ADRA1B: variants seen among roughly 807,000 people sequenced by gnomAD.
The protein encoded by ADRA1B is adrenoceptor alpha 1B.
A neutral mutation model predicts 17.9 loss-of-function variants in ADRA1B; 17 were observed. The ratio of observed to expected loss-of-function variants is 0.95; its 90% CI spans 0.65 to 1.42. The LOEUF is 1.42. Ranked by LOEUF, ADRA1B falls within the 40% of genes most tolerant of loss-of-function variation. ADRA1B has a pLI of 0.00. For synonymous variants in ADRA1B, 366 were observed against 327.6 expected (o/e 1.12, Z -1.27); for missense variants, 681 against 722.1 (o/e 0.94, Z 0.65).
In ADRA1B at chr5:159,916,920, G is replaced by A. The variant is rs1754325404; in HGVS notation, c.15G>A (p.Leu5=). 1 of 1,612,112 alleles carries A rather than the reference G, an allele frequency of 6.2e-7. No individual in the cohort carries two copies. Among genetic ancestry groups the A allele is most frequent in the Admixed American group, 1.7e-5 (1 of 59,914 alleles). The change falls in exon 1 of 2, where the codon CTG becomes CTA. Residue 5 remains leucine (L), a synonymous_variant. Coordinates refer to ENST00000306675, the MANE Select transcript of ADRA1B (RefSeq NM_000679.4). MNPD[L]DTGHNTSAPA... is the part of the protein sequence containing the mutation. The stretch of plus-strand genomic sequence containing the variant: ...CGGACTCTAAGATGAATCCCGACCT[G>A]GACACCGGCCACAACACATCAGCAC...
At chr5:159,903,919 G>A (rs761729789) in intron 1 of ADRA1B, among the ~76,000 whole-genome samples, 3 of 152,018 alleles carry the variant, frequency 2.0e-5, no homozygotes, top group Non-Finnish European at 2.9e-5. Context: ...AGTAGGCTGG[G>A]GTCCAAACAA....
chr5:159,917,969 G>A lies in ADRA1B; in HGVS notation c.949+115G>A, dbSNP rs561713095. The A allele has an allele frequency of 3.7e-4, 346 of 932,688 alleles. 2 individuals carry two copies. Among genetic ancestry groups the A allele is most frequent in the Non-Finnish European group, 5.3e-4 (322 of 609,588 alleles). 57.8% of individuals were successfully genotyped at this position (932,688 alleles called of 1,614,324 possible). A position where few individuals can be genotyped will look rare whatever the true frequency, so the allele number is the denominator to read the frequency against. On this transcript the variant is annotated intron_variant, in intron 1 of 1. Transcript: ENST00000306675. ...TTTCTTATGCAGTCTGTGCGTGTTCGGAGATTGAATAATATTGTTTGTTCT... is the reference window on the plus strand; with the variant it reads ...TTTCTTATGCAGTCTGTGCGTGTTCAGAGATTGAATAATATTGTTTGTTCT...
At chr5:159,954,276 G>A (rs959650369) in intron 1 of ADRA1B, among the ~76,000 whole-genome samples, 1 of 152,188 alleles carries the variant, frequency 6.6e-6, no homozygotes, top group Non-Finnish European at 1.5e-5. Context: ...CGAGATCAGG[G>A]TGCTGGTATG....
chr5:159,866,034 C>A (rs1023922050), intron 1 of ADRA1B, among the ~76,000 whole-genome samples: 5 of 152,148 alleles, frequency 3.3e-5, no homozygotes, highest in Admixed American at 6.5e-5. Flanking sequence ...TTAATTCATT[C>A]CTAAAACAAA....
chr5:159,975,933 C>T (rs1755962898), downstream of ADRA1B, among the ~76,000 whole-genome samples: 1 of 152,208 alleles, frequency 6.6e-6, no homozygotes, highest in South Asian at 2.1e-4. Flanking sequence ...AATAAATCTG[C>T]CAACCCCAGT....
At chr5:159,919,469 T>C (rs1468714805) in intron 1 of ADRA1B, among the ~76,000 whole-genome samples, 1 of 152,248 alleles carries the variant, frequency 6.6e-6, no homozygotes, top group Non-Finnish European at 1.5e-5. Flanking sequence ...CTCAGTTTCT[T>C]CGTCTACAAA....
chr5:159,935,796 C>A (rs2113213133), intron 1 of ADRA1B, among the ~76,000 whole-genome samples: 1 of 152,378 alleles, frequency 6.6e-6, no homozygotes, highest in East Asian at 1.9e-4. Flanking sequence ...ATCCGCTCGC[C>A]TCAGCCTCCC....
At chr5:159,971,104 T>C (rs748281114) in intron 1 of ADRA1B, among the ~76,000 whole-genome samples, 2 of 152,190 alleles carry the variant, frequency 1.3e-5, no homozygotes, top group Non-Finnish European at 2.9e-5. Flanking sequence ...ACTCAGCCTC[T>C]TTGCGGTTTT....
In ADRA1B at chr5:159,971,901, G is replaced by GC. The variant is rs775788108; in HGVS notation, c.978dup (p.Asp327ArgfsTer134). The GC allele has an allele frequency of 8.1e-6, 11 of 1,355,742 alleles. No individual in the cohort carries two copies. Among genetic ancestry groups the GC allele is most frequent in the Non-Finnish European group, 1.0e-5 (11 of 1,047,962 alleles). The allele number at this position is 1,355,742 out of a possible 1,614,324, so 84.0% of individuals were successfully genotyped here. On this transcript the variant is annotated frameshift_variant, in exon 2 of 2. Transcript: ENST00000306675. LOFTEE classifies it low-confidence loss of function (END_TRUNC). ...CAGGCTCCTTGTTCTCCACCCTGAA[G>GC]CCCCCCGACGCCGTGTTCAAGGTGG... is the stretch of plus-strand genomic sequence containing the variant.
chr5:159,897,825 T>C (rs895514900), intron 1 of ADRA1B, among the ~76,000 whole-genome samples: 3 of 152,192 alleles, frequency 2.0e-5, no homozygotes, highest in African/African-American at 2.4e-5. Flanking sequence ...CATTCTGACC[T>C]AAGGGGACAT....
intron 1 of ADRA1B, among the ~76,000 whole-genome samples, chr5:159,965,714 C>T (rs1449585617): frequency 6.6e-6 from 1 of 152,172 alleles, no homozygotes; most frequent in Non-Finnish European, 1.5e-5. Context: ...TCTGTGGCAG[C>T]CTGGCGGTCC....
At chr5:159,880,212 A>G (rs1753849072) in intron 1 of ADRA1B, among the ~76,000 whole-genome samples, 3 of 152,208 alleles carry the variant, frequency 2.0e-5, no homozygotes. Flanking sequence ...AATTGCTTAA[A>G]GCAAATAAAA....
At chr5:159,877,116 T>C (rs142529322) in intron 1 of ADRA1B, among the ~76,000 whole-genome samples, 1 of 152,196 alleles carries the variant, frequency 6.6e-6, no homozygotes, top group Admixed American at 6.5e-5. Flanking sequence ...TTTTCTGGAA[T>C]GGGAGCCTCA....
At chr5:159,913,423 C>T (rs1013450640), upstream of ADRA1B, among the ~76,000 whole-genome samples, 6 of 152,188 alleles carry the variant, frequency 3.9e-5, no homozygotes, top group Non-Finnish European at 5.9e-5. Flanking sequence ...TCCTGCTACA[C>T]GGCTGTTATT....
chr5:159,881,168 G>A lies in ADRA1B; in HGVS notation c.-256+15962G>A, dbSNP rs374998594. Among the ~76,000 whole-genome samples the A allele has an allele frequency of 3.3e-3, 400 of 120,816 alleles. 3 individuals carry two copies. The highest frequency in any genetic ancestry group is 0.013 in the African/African-American group (381 of 30,284). The allele number at this position is 120,816 out of a possible 152,430, so 79.3% of individuals were successfully genotyped here. ...CGCAGTCCGGCCTGGGCGACAGAGC[G>A]AGACTCCGTCTCAAAAAAAAAAAAA... On this transcript the variant is annotated intron_variant, in intron 1 of 2. Transcript: ENST00000641205.
intron 1 of ADRA1B, among the ~76,000 whole-genome samples, chr5:159,907,882 G>A (rs1309339018): frequency 9.2e-5 from 14 of 151,966 alleles, no homozygotes; most frequent in Non-Finnish European, 4.4e-5. Flanking sequence ...CTTCCTTAGG[G>A]CTAACTGGCG....
At chr5:159,891,470 A>G (rs1753982539) in intron 1 of ADRA1B, among the ~76,000 whole-genome samples, 1 of 152,122 alleles carries the variant, frequency 6.6e-6, no homozygotes, top group Non-Finnish European at 1.5e-5. Flanking sequence ...AATCTGGTTG[A>G]TGGGGGAGGG....
intron 1 of ADRA1B, among the ~76,000 whole-genome samples, chr5:159,931,702 C>T (rs1018075933): frequency 1.3e-5 from 2 of 152,148 alleles, no homozygotes; most frequent in Non-Finnish European, 2.9e-5. Context: ...TCTGGAGGCT[C>T]GGAAGTCCAA....
At chr5:159,987,654 C>T in the ADRA1B span, among the ~76,000 whole-genome samples, 1 of 152,250 alleles carries the variant, frequency 6.6e-6, no homozygotes, top group East Asian at 1.9e-4. Context: ...TTCATAGATG[C>T]AGTCAGATAT....
Sources: allele counts gnomAD v4.1 joint callset (sites outside exome capture counted in the v4.1 genomes callset), GRCh38; gene constraint gnomAD v4.1.1; transcripts MANE v1.5; gene names NCBI Gene and HGNC (gene_info 2026-07-23, HGNC 2026-07-21).